The following UBE3C variants were observed in gnomAD, a reference collection of about 807,000 sequenced individuals.
UBE3C encodes the protein ubiquitin protein ligase E3C.
A neutral mutation model predicts 129.4 loss-of-function variants in UBE3C; 42 were observed. The ratio of observed to expected loss-of-function variants is 0.32; its 90% CI spans 0.25 to 0.42. The LOEUF (loss-of-function observed/expected upper bound fraction) is 0.42. UBE3C is among the 10% of genes least tolerant of loss of function. The probability of loss-of-function intolerance (pLI) is 1.00; values close to 1 mark genes in which losing one functional copy is unlikely to be tolerated. For missense variants in UBE3C, 1,049 were observed against 1,319.1 expected (o/e 0.80, Z 3.17); for synonymous variants, 510 against 492.4 (o/e 1.04, Z -0.47).
chr7:157,197,230 T>C (rs1380008101), intron 10 of UBE3C, among the ~76,000 whole-genome samples: 1 of 152,242 alleles, frequency 6.6e-6, no homozygotes, highest in Non-Finnish European at 1.5e-5. Context: ...TGGCTGTTAG[T>C]CAATGCTGCA....
intron 9 of UBE3C, among the ~76,000 whole-genome samples, chr7:157,185,049 T>C (rs1459992247): frequency 6.6e-6 from 1 of 152,228 alleles, no homozygotes; most frequent in Non-Finnish European, 1.5e-5. Context: ...GTGGGTTCTG[T>C]AGATGGAATG....
intron 13 of UBE3C, among the ~76,000 whole-genome samples, chr7:157,211,080 C>G (rs1201559926): frequency 1.3e-5 from 2 of 151,532 alleles, no homozygotes; most frequent in Non-Finnish European, 2.9e-5. Context: ...CCAAACTTAA[C>G]AGGAGTTTCC....
At chr7:157,267,547 T>A (rs1797113959) in intron 22 of UBE3C, 38 bp from the exon 23 acceptor site, 1 of 1,609,970 alleles carries the variant, frequency 6.2e-7, no homozygotes, top group African/African-American at 1.3e-5. Context: ...AATGCCATGC[T>A]TGTTACAGTG....
At chr7:157,172,928 A>G (rs971152250) in intron 4 of UBE3C, among the ~76,000 whole-genome samples, 1 of 152,214 alleles carries the variant, frequency 6.6e-6, no homozygotes, top group African/African-American at 2.4e-5. Flanking sequence ...GTAGCTACAC[A>G]GTCTTGCTTC....
At chr7:157,182,874 G>T (rs1372410133) in intron 8 of UBE3C, among the ~76,000 whole-genome samples, 1 of 152,062 alleles carries the variant, frequency 6.6e-6, no homozygotes, top group African/African-American at 2.4e-5. Context: ...TCAGCCTCCT[G>T]AGTAGCTGGG....
At chr7:157,142,560 C>T (rs977090283) in intron 1 of UBE3C, among the ~76,000 whole-genome samples, 1 of 152,132 alleles carries the variant, frequency 6.6e-6, no homozygotes, top group African/African-American at 2.4e-5. Context: ...AGAAGGCATT[C>T]CAGGTTCGTG....
chr7:157,263,135 G>A (rs1023294669), intron 22 of UBE3C: 1 of 152,454 alleles, frequency 6.6e-6, no homozygotes. Context: ...ACGCACTCAA[G>A]CCTCAGCACA....
intron 6 of UBE3C, 23 bp downstream of exon 6, chr7:157,178,870 A>G (rs1305747692): frequency 3.7e-6 from 6 of 1,610,170 alleles, no homozygotes; most frequent in Non-Finnish European, 5.1e-6. Flanking sequence ...CAGGATCAGA[A>G]CTGTGGCTCA....
At chr7:157,264,310 CA>C in intron 22 of UBE3C, among the ~76,000 whole-genome samples, 1 of 148,286 alleles carries the variant, frequency 6.7e-6, no homozygotes, top group South Asian at 2.2e-4. Context: ...CACACACACA[CA>C]CACACACCTG....
chr7:157,202,942 G>C (rs1363190970), intron 11 of UBE3C, among the ~76,000 whole-genome samples: 1 of 152,138 alleles, frequency 6.6e-6, no homozygotes, highest in African/African-American at 2.4e-5. Flanking sequence ...GGTTGGGGTG[G>C]TATATCTAAA....
chr7:157,174,948 C>T lies in UBE3C; in HGVS notation c.372C>T (p.His124=). 6.2e-7 allele frequency: 1 copy of T among 1,612,332 alleles called. No individual in the cohort carries two copies. The highest frequency in any genetic ancestry group is 8.5e-7 in the Non-Finnish European group (1 of 1,179,348). ...GGCTGTATCAGAACTTAATTAAACA[C>T]AGCTCTCTGTTTGTCAAGCAGTTGG... is the stretch of plus-strand genomic sequence containing the variant. ...LIWLYQNLIK[H]SSLFVKQLDG... Residue 124 remains histidine (H), a synonymous_variant, in exon 5 of 23, where the codon CAC becomes CAT. Coordinates refer to ENST00000348165, the MANE Select transcript of UBE3C (RefSeq NM_014671.3).
chr7:157,182,424 AGGTG>A, intron 8 of UBE3C, 96 bp downstream of exon 8: 1 of 1,271,096 alleles, frequency 7.9e-7, no homozygotes, highest in South Asian at 1.4e-5. Flanking sequence ...TGTTATGGAA[AGGTG>A]GGCCTCTCCT....
At chr7:157,166,836 T>C (rs187066634) in intron 2 of UBE3C, among the ~76,000 whole-genome samples, 1 of 152,266 alleles carries the variant, frequency 6.6e-6, no homozygotes, top group East Asian at 1.9e-4. Context: ...TTTGGAGATG[T>C]CGTATTTCCT....
chr7:157,153,654 T>A (rs1374324862), intron 1 of UBE3C, among the ~76,000 whole-genome samples: 2 of 152,104 alleles, frequency 1.3e-5, no homozygotes, highest in African/African-American at 2.4e-5. Context: ...ATCACGAATC[T>A]TCCTTGCTCT....
chr7:157,170,118 T>G (rs1229636712), intron 3 of UBE3C, among the ~76,000 whole-genome samples, 186 bp from the exon 4 acceptor site: 2 of 75,828 alleles, frequency 2.6e-5, no homozygotes, highest in African/African-American at 1.5e-4. Flanking sequence ...CCATGCCTGG[T>G]TTTTTTTTTT....
intron 1 of UBE3C, among the ~76,000 whole-genome samples, chr7:157,144,666 T>TA (rs1807555211): frequency 6.7e-6 from 1 of 148,936 alleles, no homozygotes; most frequent in Non-Finnish European, 1.5e-5. Flanking sequence ...TAAGATCACT[T>TA]TAATGTTTGT....
intron 1 of UBE3C, among the ~76,000 whole-genome samples, chr7:157,155,348 C>T (rs1807873011): frequency 6.6e-6 from 1 of 152,072 alleles, no homozygotes; most frequent in African/African-American, 2.4e-5. Flanking sequence ...AGATGTGAAG[C>T]TGATAATTCT....
At chr7:157,216,331 A>G (rs1036739928) in intron 13 of UBE3C, among the ~76,000 whole-genome samples, 1 of 151,672 alleles carries the variant, frequency 6.6e-6, no homozygotes, top group African/African-American at 2.4e-5. Flanking sequence ...CAGATGAGCT[A>G]AGACATTTCC....
At chr7:157,207,957 T>G (rs1392480404) in intron 13 of UBE3C, 22 bp downstream of exon 13, 1 of 1,422,540 alleles carries the variant, frequency 7.0e-7, no homozygotes, top group African/African-American at 1.4e-5. Context: ...ATGTATTTTT[T>G]TGTTTACTGA....
Sources: gnomAD v4.1 joint callset for allele counts (sites outside exome capture counted in the v4.1 genomes callset) on GRCh38, gnomAD v4.1.1 for gene constraint, MANE v1.5 for transcripts, NCBI Gene and HGNC (gene_info 2026-07-23, HGNC 2026-07-21) for gene names.